AP2A2: variants seen among roughly 807,000 people sequenced by gnomAD.
The protein encoded by AP2A2 is AP-2 complex subunit alpha-2.
A neutral mutation model predicts 104.2 loss-of-function variants in AP2A2; 32 were observed. That is an observed-to-expected ratio of 0.31 (90% CI 0.23 to 0.41). The LOEUF is 0.41. Ranked by LOEUF, AP2A2 falls within the 10% of genes least tolerant of loss-of-function variation. The probability of loss-of-function intolerance (pLI) is 1.00; values close to 1 mark genes in which losing one functional copy is unlikely to be tolerated. For missense variants in AP2A2, 912 were observed against 1,261.0 expected (o/e 0.72, Z 4.19); for synonymous variants, 539 against 533.3 (o/e 1.01, Z -0.15).
chr11:992,810 C>A lies in AP2A2; in HGVS notation c.1452+125C>A. ...GTTGCTGACCCCTCTTGCCCCTCAGCTCTTCCCTGAGGCTCTAGCTCCTCC... is the reference window on the plus strand; with the variant it reads ...GTTGCTGACCCCTCTTGCCCCTCAGATCTTCCCTGAGGCTCTAGCTCCTCC... On this transcript the variant is annotated intron_variant, in intron 11 of 21. Transcript: ENST00000448903. This position sits in a 1 kb window ranked among gnomAD's most constrained non-coding sequence, Gnocchi z 6.4. The A allele has an allele frequency of 1.0e-6, 1 of 985,428 alleles. No individual in the cohort carries two copies. The allele number at this position is 985,428 out of a possible 1,614,324, so 61.0% of individuals were successfully genotyped here. A position where few individuals can be genotyped will look rare whatever the true frequency, so the allele number is the denominator to read the frequency against.
chr11:939,205 C>T (rs1320931817), intron 1 of AP2A2, among the ~76,000 whole-genome samples: 2 of 145,160 alleles, frequency 1.4e-5, no homozygotes, highest in Non-Finnish European at 3.0e-5. Context: ...GAGCCGAGAT[C>T]GCACCATTGC....
At chr11:959,365 A>C in intron 1 of AP2A2, 72 bp from the exon 2 acceptor site, 1 of 1,048,218 alleles carries the variant, frequency 9.5e-7, no homozygotes. Context: ...TCTGAGTGTC[A>C]GTCTTATCAG....
intron 14 of AP2A2, among the ~76,000 whole-genome samples, chr11:999,160 C>T (rs956130406): frequency 6.6e-6 from 1 of 152,174 alleles, no homozygotes; most frequent in African/African-American, 2.4e-5. Flanking sequence ...GACTGAGCTG[C>T]TGCTTGTGCC....
intron 2 of AP2A2, among the ~76,000 whole-genome samples, chr11:961,748 G>A (rs1322780946): frequency 2.4e-5 from 3 of 126,544 alleles, no homozygotes; most frequent in African/African-American, 6.1e-5. Flanking sequence ...GATAGTCGCC[G>A]CCACCAGTGA....
At chr11:994,539 C>T (rs1452617505) in intron 14 of AP2A2, among the ~76,000 whole-genome samples, 8 of 143,212 alleles carry the variant, frequency 5.6e-5, no homozygotes, top group Admixed American at 5.6e-4. Flanking sequence ...CTGCTGGACG[C>T]CCCCCTGGCC....
rs1244599198 is a variant in AP2A2 at position 1,011,326 on chromosome 11, C to T, written c.*701C>T. The T allele has an allele frequency of 1.9e-6, 1 of 518,572 alleles. No homozygotes were observed. Among genetic ancestry groups the T allele is most frequent in the South Asian group, 1.4e-5 (1 of 71,580 alleles). 32.1% of individuals were successfully genotyped at this position (518,572 alleles called of 1,614,324 possible). On this transcript the variant is annotated 3_prime_UTR_variant, in exon 22 of 22. Transcript: ENST00000448903. Reference sequence around the variant, plus strand: ...AGCCAGGGGAGGAGCGTCCTGCCGGCCCCGCAGGGCCCCCAGGACTCCAGG... The same window carrying T: ...AGCCAGGGGAGGAGCGTCCTGCCGGTCCCGCAGGGCCCCCAGGACTCCAGG...
intron 1 of AP2A2, among the ~76,000 whole-genome samples, chr11:933,262 C>T (rs1336312364): frequency 2.6e-5 from 4 of 151,676 alleles, no homozygotes; most frequent in Non-Finnish European, 4.4e-5. Context: ...AGTAAGACTC[C>T]GTCTCAAAAA....
intron 16 of AP2A2, among the ~76,000 whole-genome samples, chr11:1,005,296 G>C (rs747049970): frequency 6.6e-6 from 1 of 152,214 alleles, no homozygotes; most frequent in Non-Finnish European, 1.5e-5. Flanking sequence ...CAGTGACTTC[G>C]TAGAGACAGA....
At chr11:953,807 C>T (rs920972249) in intron 1 of AP2A2, among the ~76,000 whole-genome samples, 7 of 151,380 alleles carry the variant, frequency 4.6e-5, no homozygotes, top group South Asian at 2.1e-4. Context: ...CTGGCCGAGA[C>T]GTGACACTAC....
In AP2A2 at chr11:1,010,650, G is replaced by C; in HGVS notation, c.*25G>C. 1 of 1,546,032 alleles carries C rather than the reference G, an allele frequency of 6.5e-7. No homozygotes were observed. Among genetic ancestry groups the C allele is most frequent in the Non-Finnish European group, 8.8e-7 (1 of 1,135,698 alleles). On this transcript the variant is annotated 3_prime_UTR_variant, in exon 22 of 22. Transcript: ENST00000448903. ...GTCCTGAGGATGGAAGACCAGGCTC[G>C]TGTGTCTTGTGTTGTCTTCGTCTGT...
At chr11:983,558 AT>A (rs373889662) in intron 6 of AP2A2, among the ~76,000 whole-genome samples, 3,404 of 150,760 alleles carry the variant, frequency 0.023, 106 homozygotes, top group African/African-American at 0.068. Context: ...AATTTTTTGT[AT>A]TTTTTAGTAG....
intron 19 of AP2A2, 32 bp downstream of exon 19, chr11:1,009,248 G>A (rs370298511): frequency 6.2e-7 from 1 of 1,609,156 alleles, no homozygotes; most frequent in Non-Finnish European, 8.5e-7. Context: ...GGGGTCAGGG[G>A]TGGGGACGGG....
chr11:971,556 C>G (rs558518807), intron 3 of AP2A2, among the ~76,000 whole-genome samples: 2 of 152,008 alleles, frequency 1.3e-5, no homozygotes, highest in African/African-American at 4.8e-5. Context: ...GTGGCAGTGA[C>G]ACAGGACTGG....
chr11:947,118 C>T lies in AP2A2; in HGVS notation c.68-12319C>T, dbSNP rs543062281. Among the ~76,000 whole-genome samples the T allele has an allele frequency of 2.7e-5, 4 of 149,374 alleles. No homozygotes were observed. In the South Asian group the frequency reaches 8.4e-4, roughly 32 times the overall value. On this transcript the variant is annotated intron_variant, in intron 1 of 21. Transcript: ENST00000448903. ...CCCCACCTCCCGGACTCAGGTGATTCTCCTGCCTTAGCCTTTTGAGTAGCT... is the reference window on the plus strand; with the variant it reads ...CCCCACCTCCCGGACTCAGGTGATTTTCCTGCCTTAGCCTTTTGAGTAGCT...
intron 16 of AP2A2, 44 bp from the exon 17 acceptor site, chr11:1,006,484 G>T (rs778374108): frequency 7.5e-7 from 1 of 1,335,842 alleles, no homozygotes; most frequent in Admixed American, 1.7e-5. Flanking sequence ...TTCAGGGTAA[G>T]TGTGAAATGG....
Position 1,009,790 on chromosome 11 carries a change from G to C in AP2A2, c.2715G>C (p.Leu905=). ...AAACCACCCAGATTGGATGCCTGCT[G>C]CGCTTGGAGCCGAACCTGCAAGCCC... ...HTKTTQIGCL[L]RLEPNLQAQM... The change falls in exon 21 of 22, where the codon CTG becomes CTC. Residue 905 remains leucine, a synonymous_variant. Transcript: ENST00000448903. 1.3e-6 allele frequency: 2 copies of C among 1,548,670 alleles called. No individual in the cohort carries two copies. The highest frequency in any genetic ancestry group is 1.7e-6 in the Non-Finnish European group (2 of 1,144,612).
Position 985,725 on chromosome 11 carries a change from GC to G in AP2A2, c.962+144del, listed in dbSNP as rs1045195469. 3.2e-5 allele frequency: 39 copies of G among 1,236,968 alleles called. No homozygotes were observed. In the African/African-American group the frequency reaches 5.8e-4, roughly 18 times the overall value. The allele number at this position is 1,236,968 out of a possible 1,614,324, so 76.6% of individuals were successfully genotyped here. A position where few individuals can be genotyped will look rare whatever the true frequency, so the allele number is the denominator to read the frequency against. Reference sequence around the variant, plus strand: ...CCTGCCTCTGTGCTCCCTGCCGGATGCTTTTTTTCTTTCTGTGCAGCCCGGC... The same window carrying G: ...CCTGCCTCTGTGCTCCCTGCCGGATGTTTTTTTCTTTCTGTGCAGCCCGGC... On this transcript the variant is annotated intron_variant, in intron 8 of 21. Transcript: ENST00000448903.
At chr11:965,819 C>G (rs891081317) in intron 2 of AP2A2, among the ~76,000 whole-genome samples, 1 of 152,238 alleles carries the variant, frequency 6.6e-6, no homozygotes, top group Non-Finnish European at 1.5e-5. Flanking sequence ...GTTGTGTTCT[C>G]ATACTCTACA....
At chr11:961,978 C>T (rs551162702) in intron 2 of AP2A2, among the ~76,000 whole-genome samples, 2 of 148,020 alleles carry the variant, frequency 1.4e-5, no homozygotes, top group Non-Finnish European at 3.0e-5. Context: ...GTCTGACAGT[C>T]GCCACCACTA....
Sources: allele counts gnomAD v4.1 joint callset (sites outside exome capture counted in the v4.1 genomes callset), GRCh38; gene constraint gnomAD v4.1.1; non-coding constraint Gnocchi (gnomAD v3.1); transcripts MANE v1.5; gene names NCBI Gene and HGNC (gene_info 2026-07-23, HGNC 2026-07-21).